The following TSPAN9 variants were observed in gnomAD, a reference collection of about 807,000 sequenced individuals.
TSPAN9 encodes the protein tetraspanin 9.
TSPAN9 carries 16 observed loss-of-function variants against 31.0 expected under a neutral mutation model. The observed-to-expected ratio is 0.52, with a 90% confidence interval of 0.35 to 0.78. TSPAN9 has a LOEUF of 0.78. Among genes scored for constraint, TSPAN9 ranks in the 30% least tolerant of loss-of-function variants. The pLI is 0.01. For synonymous variants in TSPAN9, 145 were observed against 121.6 expected, an observed-to-expected ratio of 1.19 and a Z score of -1.27; for missense variants, 272 against 312.5, an observed-to-expected ratio of 0.87 and a Z score of 0.98.
In TSPAN9 at chr12:3,283,848, C is replaced by A. The variant is rs1039915064; in HGVS notation, c.*732C>A. On this transcript the variant is annotated 3_prime_UTR_variant, in exon 9 of 9. Coordinates refer to ENST00000011898, the MANE Select transcript of TSPAN9 (RefSeq NM_006675.5). ...GCTCTCGGATGGGGCGCGCCTGCGC[C>A]CTCAGAACGTGTGGGAAGGAGGGGG... 6.6e-6 allele frequency: 1 copy of A among 152,582 alleles called. No homozygotes were observed. The highest frequency in any genetic ancestry group is 2.4e-5 in the African/African-American group (1 of 41,458). The allele number at this position is 152,582 out of a possible 1,614,324, so 9.5% of individuals were successfully genotyped here.
At chr12:3,085,161 C>A (rs2098299812) in intron 2 of TSPAN9, among the ~76,000 whole-genome samples, 1 of 150,394 alleles carries the variant, frequency 6.6e-6, no homozygotes. Context: ...GGCAGGAGTT[C>A]AAGACTAGAC....
intron 3 of TSPAN9, among the ~76,000 whole-genome samples, chr12:3,267,072 C>T (rs1216396619): frequency 6.6e-6 from 1 of 152,244 alleles, no homozygotes; most frequent in East Asian, 1.9e-4. Context: ...GAACGAGAGG[C>T]ACCCAGTCAT....
At chr12:3,180,745 C>G (rs2098358225) in intron 2 of TSPAN9, among the ~76,000 whole-genome samples, 1 of 152,082 alleles carries the variant, frequency 6.6e-6, no homozygotes. Context: ...TGGATGGGCC[C>G]TTTTTAACAA....
intron 3 of TSPAN9, among the ~76,000 whole-genome samples, chr12:3,237,209 T>C (rs376719228): frequency 1.3e-5 from 2 of 152,204 alleles, no homozygotes; most frequent in South Asian, 2.1e-4. Context: ...CTGATCGATG[T>C]CATCCCCTTT....
At chr12:3,207,415 A>G (rs142917272) in intron 3 of TSPAN9, among the ~76,000 whole-genome samples, 135 of 152,304 alleles carry the variant, frequency 8.9e-4, no homozygotes, top group African/African-American at 3.2e-3. Flanking sequence ...GTCTCTGCTC[A>G]CATTTGAAAG....
At chr12:3,215,070 C>T (rs111761798) in intron 3 of TSPAN9, among the ~76,000 whole-genome samples, 10 of 152,256 alleles carry the variant, frequency 6.6e-5, no homozygotes, top group Admixed American at 6.5e-4. Flanking sequence ...AAACACATAC[C>T]CTTCCCACCC....
chr12:3,262,329 C>G lies in TSPAN9; in HGVS notation c.64-16092C>G, dbSNP rs535999231. Among the ~76,000 whole-genome samples the G allele has an allele frequency of 1.2e-3, 179 of 151,312 alleles. 3 individuals are homozygous for G. Among genetic ancestry groups the G allele is most frequent in the Non-Finnish European group, 1.4e-3 (98 of 67,946 alleles). On this transcript the variant is annotated intron_variant, in intron 3 of 8. Coordinates refer to ENST00000011898, the MANE Select transcript of TSPAN9 (RefSeq NM_006675.5). ...ACGCAGAGCCACAAAGTGCAGGCAT[C>G]TGCATTCTGCCGTGCCCTCCTCGGC... is the stretch of plus-strand genomic sequence containing the variant.
At chr12:3,279,546 C>T (rs10848839) in intron 5 of TSPAN9, among the ~76,000 whole-genome samples, 11,389 of 152,228 alleles carry the variant, frequency 0.075, 1,031 homozygotes, top group East Asian at 0.37. Context: ...CCCTTGAGGA[C>T]GGGCGCTGCT....
chr12:3,214,454 C>G (rs907809249), intron 3 of TSPAN9, among the ~76,000 whole-genome samples: 1 of 152,132 alleles, frequency 6.6e-6, no homozygotes, highest in African/African-American at 2.4e-5. Flanking sequence ...CTGCCTGCCG[C>G]GGGGCTGGGT....
At chr12:3,186,546 T>TG (rs776372565) in intron 2 of TSPAN9, among the ~76,000 whole-genome samples, 352 of 135,956 alleles carry the variant, frequency 2.6e-3, no homozygotes, top group East Asian at 0.012. Context: ...AGGAGTTTGT[T>TG]TGTGTGTGTG....
At position 3,187,522 on chromosome 12, in the gene TSPAN9, CAT is replaced by C. The variant is rs1462059992; in HGVS notation, c.-17-13653_-17-13652del. 1.3e-5 allele frequency among the ~76,000 whole-genome samples: 2 copies of C among 152,158 alleles called. No individual in the cohort carries two copies. The highest frequency in any genetic ancestry group is 2.9e-5 in the Non-Finnish European group (2 of 68,034). ...TTTCACTGTTTTGGAAGTCAGGAGA[CAT>C]AGGTTCCAGTCCCAGCTCTCCTTAC... On this transcript the variant is annotated intron_variant, in intron 2 of 8. Transcript: ENST00000011898. The surrounding 1 kb of genome is among the most constrained non-coding windows in gnomAD (Gnocchi z 5.2).
At chr12:3,258,807 A>C (rs1862398074) in intron 3 of TSPAN9, among the ~76,000 whole-genome samples, 2 of 152,112 alleles carry the variant, frequency 1.3e-5, no homozygotes, top group South Asian at 4.2e-4. Context: ...ATTTATTGAA[A>C]TCTCAATGCA....
intron 2 of TSPAN9, among the ~76,000 whole-genome samples, chr12:3,109,153 G>T (rs539788879): frequency 2.6e-5 from 4 of 151,860 alleles, no homozygotes; most frequent in Admixed American, 1.3e-4. Context: ...AGCCAGGATG[G>T]TCTCGATCTC....
chr12:3,230,163 T>A (rs1186617118), intron 3 of TSPAN9, among the ~76,000 whole-genome samples: 3 of 152,194 alleles, frequency 2.0e-5, no homozygotes, highest in Admixed American at 6.5e-5. Context: ...ATCACTGGTC[T>A]CTCCCCAGGA....
chr12:3,109,299 T>TGTGTGTGTGTGTGAGAGA (rs1274383200), intron 2 of TSPAN9, among the ~76,000 whole-genome samples: 3 of 118,350 alleles, frequency 2.5e-5, no homozygotes, highest in African/African-American at 9.1e-5. Context: ...TGTGTGTGTG[T>TGTGTGTGTGTGTGAGAGA]GAGAGAGAGT....
chr12:3,135,997 T>C (rs1005151670), intron 2 of TSPAN9, among the ~76,000 whole-genome samples: 3 of 152,172 alleles, frequency 2.0e-5, no homozygotes, highest in Non-Finnish European at 4.4e-5. Flanking sequence ...CGAGACCCAG[T>C]GTCCCCGAGG....
At chr12:3,215,412 A>G (rs573284194) in intron 3 of TSPAN9, 2 of 152,348 alleles carry the variant, frequency 1.3e-5, no homozygotes, top group African/African-American at 4.8e-5. Flanking sequence ...GAGCCTTGTC[A>G]GTGGGCTGCA....
At chr12:3,132,500 T>G (rs1455449205) in intron 2 of TSPAN9, among the ~76,000 whole-genome samples, 1 of 152,094 alleles carries the variant, frequency 6.6e-6, no homozygotes, top group East Asian at 1.9e-4. Flanking sequence ...TGCTTTGATT[T>G]GCATTCCCTG....
chr12:3,193,647 G>T (rs932434022), intron 2 of TSPAN9, among the ~76,000 whole-genome samples: 1 of 152,208 alleles, frequency 6.6e-6, no homozygotes, highest in Non-Finnish European at 1.5e-5. Flanking sequence ...TAGGGAATGT[G>T]TAAGGGTTCA....
Sources: allele counts gnomAD v4.1 joint callset (sites outside exome capture counted in the v4.1 genomes callset), GRCh38; gene constraint gnomAD v4.1.1; non-coding constraint Gnocchi (gnomAD v3.1); transcripts MANE v1.5; gene names NCBI Gene and HGNC (gene_info 2026-07-23, HGNC 2026-07-21).